EBI3: variants seen among roughly 807,000 people sequenced by gnomAD.
EBI3 encodes the protein interleukin-27 subunit beta.
EBI3 carries 19 observed loss-of-function variants against 21.3 expected under a neutral mutation model. The ratio of observed to expected loss-of-function variants is 0.89; its 90% CI spans 0.62 to 1.31. The LOEUF is 1.31. EBI3 is among the 50% of genes most tolerant of loss of function. The pLI is 0.00. For synonymous variants in EBI3, 154 were observed against 131.2 expected (o/e 1.17, Z -1.19); for missense variants, 331 against 314.0 (o/e 1.05, Z -0.41).
At position 4,237,266 on chromosome 19, in the gene EBI3, A is replaced by G; in HGVS notation, c.*178A>G. The G allele has an allele frequency of 3.0e-6, 2 of 660,214 alleles. No individual in the cohort carries two copies. The highest frequency in any genetic ancestry group is 2.8e-5 in the South Asian group (1 of 35,440). The allele number at this position is 660,214 out of a possible 1,614,324, so 40.9% of individuals were successfully genotyped here. A position where few individuals can be genotyped will look rare whatever the true frequency, so the allele number is the denominator to read the frequency against. ...TTTCCCTTTGAGCCTCAGTTTCTCT[A>G]GCTGAGAAATGGAGATGTACTACTC... On this transcript the variant is annotated 3_prime_UTR_variant, in exon 5 of 5. Transcript: ENST00000221847.
At chr19:4,234,534 G>C in intron 3 of EBI3, 133 bp from the exon 4 acceptor site, 2 of 1,418,014 alleles carry the variant, frequency 1.4e-6, no homozygotes, top group Non-Finnish European at 1.9e-6. Context: ...CTGTACTCCA[G>C]CCTGGGTGAC....
At chr19:4,229,679 CTCGGA>C (rs2144673344) in intron 1 of EBI3, 62 bp downstream of exon 1, 2 of 1,511,516 alleles carry the variant, frequency 1.3e-6, no homozygotes, top group East Asian at 4.9e-5. Context: ...GAGGACTGGC[CTCGGA>C]TCATGTCTGG....
intron 1 of EBI3, 133 bp downstream of exon 1, chr19:4,229,750 G>A (rs113152713): frequency 8.7e-6 from 8 of 922,756 alleles, no homozygotes; most frequent in African/African-American, 3.4e-5. Context: ...CCCTCCCATT[G>A]TACAGATGGA....
intron 3 of EBI3, among the ~76,000 whole-genome samples, chr19:4,234,317 CT>C (rs974555533): frequency 2.6e-5 from 4 of 152,182 alleles, no homozygotes; most frequent in Non-Finnish European, 4.4e-5. Context: ...TGTCTTCCCC[CT>C]GATGGATTGT....
rs1456017037 is a variant in EBI3 at position 4,233,164 on chromosome 19, G to A, written c.236G>A (p.Cys79Tyr). The change falls in exon 3 of 5, where the codon TGC (cysteine) becomes TAC (tyrosine). Residue 79 changes from cysteine (C) to tyrosine (Y), a missense_variant. Physicochemically the swap from Cys to Tyr is radical, Grantham distance 194. Transcript: ENST00000221847. ...GCTGCCCGGGGCCACAGCTGGCCCTGCCTGCAGCAGACGCCAACGTCCACC... is the reference window on the plus strand; with the variant it reads ...GCTGCCCGGGGCCACAGCTGGCCCTACCTGCAGCAGACGCCAACGTCCACC... ...GMAARGHSWP[C>Y]LQQTPTSTSC... 3 of 1,605,808 alleles carry A rather than the reference G, an allele frequency of 1.9e-6. No homozygotes were observed. Among genetic ancestry groups the A allele is most frequent in the Non-Finnish European group, 2.5e-6 (3 of 1,179,306 alleles).
At chr19:4,232,571 A>T (rs1004148924) in intron 2 of EBI3, among the ~76,000 whole-genome samples, 8 of 149,882 alleles carry the variant, frequency 5.3e-5, no homozygotes, top group Non-Finnish European at 1.0e-4. Flanking sequence ...AAAAAAATTT[A>T]AAATTAGCCA....
At chr19:4,236,316 T>C (rs1167355210) in intron 4 of EBI3, among the ~76,000 whole-genome samples, 1 of 150,642 alleles carries the variant, frequency 6.6e-6, no homozygotes, top group Non-Finnish European at 1.5e-5. Context: ...ATCATGCCAC[T>C]GCACTCCAGC....
chr19:4,237,417 C>A lies in EBI3; in HGVS notation c.*329C>A. On this transcript the variant is annotated 3_prime_UTR_variant, in exon 5 of 5. Coordinates refer to ENST00000221847, the MANE Select transcript of EBI3 (RefSeq NM_005755.3). ...GCGCAGTGGATCGCACCTGTAATCC[C>A]AGTCACTGGGAAGCCGACGTGGGAG... 5.7e-6 allele frequency: 1 copy of A among 174,984 alleles called. No homozygotes were observed. Among genetic ancestry groups the A allele is most frequent in the Non-Finnish European group, 1.2e-5 (1 of 83,824 alleles). 10.8% of individuals were successfully genotyped at this position (174,984 alleles called of 1,614,324 possible). A position where few individuals can be genotyped will look rare whatever the true frequency, so the allele number is the denominator to read the frequency against.
chr19:4,229,838 T>C (rs1970766816), intron 1 of EBI3, among the ~76,000 whole-genome samples: 1 of 152,146 alleles, frequency 6.6e-6, no homozygotes. Flanking sequence ...GGACTGGCAG[T>C]CACAGCTCAG....
intron 3 of EBI3, among the ~76,000 whole-genome samples, chr19:4,233,663 C>T (rs1248557870): frequency 6.6e-6 from 1 of 152,298 alleles, no homozygotes; most frequent in East Asian, 1.9e-4. Flanking sequence ...CCTGGACAAC[C>T]TGCCCTGTCT....
chr19:4,235,108 T>TC (rs1259347425), intron 4 of EBI3, among the ~76,000 whole-genome samples: 1 of 152,128 alleles, frequency 6.6e-6, no homozygotes, highest in Admixed American at 6.6e-5. Context: ...AAACTCCGCC[T>TC]CCCAGGTTCA....
chr19:4,236,542 A>AAAAAAAC (rs1970839730), intron 4 of EBI3, among the ~76,000 whole-genome samples: 1 of 149,888 alleles, frequency 6.7e-6, no homozygotes, highest in Non-Finnish European at 1.5e-5. Flanking sequence ...AAAAAAAAAA[A>AAAAAAAC]AGCATGGTTA....
chr19:4,233,667 C>T (rs1306012721), intron 3 of EBI3, among the ~76,000 whole-genome samples: 3 of 152,172 alleles, frequency 2.0e-5, no homozygotes, highest in Admixed American at 6.6e-5. Flanking sequence ...GACAACCTGC[C>T]CTGTCTCCTC....
intron 2 of EBI3, among the ~76,000 whole-genome samples, chr19:4,232,551 C>G (rs10402128): frequency 0.029 from 4,300 of 150,684 alleles, 154 homozygotes; most frequent in African/African-American, 0.081. Context: ...GACCCCCCCC[C>G]ATCTGTAGAA....
At chr19:4,233,574 C>T (rs544410331) in intron 3 of EBI3, among the ~76,000 whole-genome samples, 99 of 152,126 alleles carry the variant, frequency 6.5e-4, no homozygotes, top group African/African-American at 2.0e-3. Flanking sequence ...AGTCAGGGCA[C>T]GTCCCTCTGC....
chr19:4,230,305 C>T (rs1970770697), intron 1 of EBI3, among the ~76,000 whole-genome samples: 1 of 152,180 alleles, frequency 6.6e-6, no homozygotes, highest in Non-Finnish European at 1.5e-5. Flanking sequence ...TGGCTCATGC[C>T]TGTAATTCCA....
chr19:4,233,005 G>T, intron 2 of EBI3, 124 bp from the exon 3 acceptor site: 1 of 1,178,994 alleles, frequency 8.5e-7, no homozygotes, highest in Admixed American at 3.4e-5. Flanking sequence ...CCCACCCCGG[G>T]ATCCCCATCC....
In EBI3 at chr19:4,237,092, G is replaced by A. The variant is rs769119380; in HGVS notation, c.*4G>A. On this transcript the variant is annotated 3_prime_UTR_variant, in exon 5 of 5. Transcript: ENST00000221847. ...CACAATGAGCCTGGGCAAGTAGCAA[G>A]GGCTTCCCGCTGCCTCCAGACAGCA... 2.0e-6 allele frequency: 3 copies of A among 1,510,022 alleles called. No homozygotes were observed. Among genetic ancestry groups the A allele is most frequent in the Non-Finnish European group, 2.7e-6 (3 of 1,124,286 alleles). The allele number at this position is 1,510,022 out of a possible 1,614,324, so 93.5% of individuals were successfully genotyped here. A position where few individuals can be genotyped will look rare whatever the true frequency, so the allele number is the denominator to read the frequency against.
At chr19:4,235,419 A>G (rs931742286) in intron 4 of EBI3, among the ~76,000 whole-genome samples, 7 of 151,540 alleles carry the variant, frequency 4.6e-5, no homozygotes, top group Non-Finnish European at 1.0e-4. Context: ...TCCCAGGTTC[A>G]AGTGATTCTC....
Sources: gnomAD v4.1 joint callset for allele counts (sites outside exome capture counted in the v4.1 genomes callset) on GRCh38, gnomAD v4.1.1 for gene constraint, MANE v1.5 for transcripts, NCBI Gene and HGNC (gene_info 2026-07-23, HGNC 2026-07-21) for gene names.